ST6GALNAC3: variants seen among roughly 807,000 people sequenced by gnomAD.
ST6GALNAC3 encodes alpha-N-acetylgalactosaminide alpha-2,6-sialyltransferase 3.
Under a neutral mutation model 32.7 loss-of-function variants are expected in ST6GALNAC3, and 25 were observed. The observed-to-expected ratio is 0.76, with a 90% CI of 0.56 to 1.07. The LOEUF is 1.07. ST6GALNAC3 is among the 50% of genes least tolerant of loss of function. ST6GALNAC3 has a pLI of 0.00. For missense variants in ST6GALNAC3, 355 were observed against 382.4 expected (o/e 0.93, Z 0.60); for synonymous variants, 129 against 133.1 (o/e 0.97, Z 0.21).
intron 3 of ST6GALNAC3, among the ~76,000 whole-genome samples, chr1:76,608,570 G>A (rs144903671): frequency 2.2e-3 from 339 of 150,668 alleles, no homozygotes; most frequent in African/African-American, 7.9e-3. Flanking sequence ...CTGTTGTCAG[G>A]GGAAGATCAA....
downstream of ST6GALNAC3, among the ~76,000 whole-genome samples, chr1:76,636,087 A>C (rs188156967): frequency 6.6e-6 from 1 of 152,174 alleles, no homozygotes; most frequent in Non-Finnish European, 1.5e-5. Context: ...TCAGAAAAAA[A>C]TTTTTGTGTA....
At chr1:76,204,348 T>TG (rs935138005) in intron 1 of ST6GALNAC3, among the ~76,000 whole-genome samples, 4 of 152,290 alleles carry the variant, frequency 2.6e-5, no homozygotes, top group African/African-American at 9.6e-5. Flanking sequence ...GCCATAAATA[T>TG]GGGGGTAGAG....
At chr1:76,435,652 C>T (rs1207399769) in intron 3 of ST6GALNAC3, among the ~76,000 whole-genome samples, 1 of 151,984 alleles carries the variant, frequency 6.6e-6, no homozygotes, top group South Asian at 2.1e-4. Flanking sequence ...CTGTAATTCC[C>T]CTAAAATTAA....
chr1:76,314,869 G>T (rs1646835450), intron 2 of ST6GALNAC3, among the ~76,000 whole-genome samples: 1 of 152,040 alleles, frequency 6.6e-6, no homozygotes. Context: ...CCCATCGAAA[G>T]GTCATTTTGT....
At position 76,103,626 on chromosome 1, in the gene ST6GALNAC3, G is replaced by C. The variant is rs143327871; in HGVS notation, c.18+28742G>C. ...GACAACAGAAATGTATTCTCTCACT[G>C]TTCAGGAGGCTGGAGGTCAAGGTAT... On this transcript the variant is annotated intron_variant, in intron 1 of 4. Transcript: ENST00000328299. Among the ~76,000 whole-genome samples the C allele has an allele frequency of 3.4e-3, 515 of 152,246 alleles. 1 individual carries two copies. The highest frequency in any genetic ancestry group is 0.024 in the Middle Eastern group (7 of 294).
chr1:76,407,410 T>C (rs957207531), intron 2 of ST6GALNAC3, among the ~76,000 whole-genome samples: 16 of 152,064 alleles, frequency 1.1e-4, no homozygotes, highest in Admixed American at 9.2e-4. Context: ...AGTATACTTT[T>C]GCAGAGGAAA....
intron 1 of ST6GALNAC3, among the ~76,000 whole-genome samples, chr1:76,288,444 C>T (rs1659901050): frequency 6.6e-6 from 1 of 152,184 alleles, no homozygotes; most frequent in South Asian, 2.1e-4. Context: ...GTGTGCTGGG[C>T]TCTGGACAAA....
chr1:76,609,044 T>C (rs1647750656), intron 3 of ST6GALNAC3, among the ~76,000 whole-genome samples: 1 of 152,200 alleles, frequency 6.6e-6, no homozygotes, highest in Non-Finnish European at 1.5e-5. Flanking sequence ...GAGAAAATTA[T>C]TAGTTTTTGG....
At chr1:76,152,223 G>GT (rs1231960234) in intron 1 of ST6GALNAC3, among the ~76,000 whole-genome samples, 1 of 152,188 alleles carries the variant, frequency 6.6e-6, no homozygotes, top group Non-Finnish European at 1.5e-5. Context: ...TTGTCGTGTT[G>GT]TAAGTGTTTA....
At chr1:76,619,910 G>T (rs1648529137) in intron 3 of ST6GALNAC3, among the ~76,000 whole-genome samples, 2 of 151,990 alleles carry the variant, frequency 1.3e-5, no homozygotes, top group South Asian at 4.1e-4. Context: ...CCACAGCTCA[G>T]CTCTTACCTC....
At chr1:76,594,000 G>T (rs1482422697) in intron 3 of ST6GALNAC3, among the ~76,000 whole-genome samples, 1 of 152,080 alleles carries the variant, frequency 6.6e-6, no homozygotes, top group Non-Finnish European at 1.5e-5. Flanking sequence ...ACCCCAGGGT[G>T]GAAGGGGGCC....
intron 1 of ST6GALNAC3, among the ~76,000 whole-genome samples, chr1:76,078,131 G>A (rs549286863): frequency 2.6e-5 from 4 of 152,200 alleles, no homozygotes; most frequent in South Asian, 2.1e-4. Context: ...GACGGAGCTC[G>A]TGTTTTAGAA....
intron 3 of ST6GALNAC3, among the ~76,000 whole-genome samples, chr1:76,621,653 C>A (rs940479367): frequency 6.6e-6 from 1 of 151,974 alleles, no homozygotes; most frequent in African/African-American, 2.4e-5. Flanking sequence ...GACTGGTTCA[C>A]AATATTAGAT....
At chr1:76,541,053 G>C (rs778705570) in intron 3 of ST6GALNAC3, among the ~76,000 whole-genome samples, 2 of 152,136 alleles carry the variant, frequency 1.3e-5, no homozygotes, top group African/African-American at 4.8e-5. Context: ...CAGGAAGGGA[G>C]TTTCAGAGGA....
chr1:76,434,151 G>A (rs1655967205), intron 3 of ST6GALNAC3, among the ~76,000 whole-genome samples: 1 of 152,140 alleles, frequency 6.6e-6, no homozygotes, highest in African/African-American at 2.4e-5. Context: ...TTTCTTCCAA[G>A]TGGTGTAATC....
At position 76,353,267 on chromosome 1, in the gene ST6GALNAC3, C is replaced by T. The variant is rs148731808; in HGVS notation, c.213+39268C>T. Among the ~76,000 whole-genome samples the T allele has an allele frequency of 2.3e-3, 344 of 152,246 alleles. 1 individual carries two copies. The highest frequency in any genetic ancestry group is 7.6e-3 in the African/African-American group (315 of 41,544). On this transcript the variant is annotated intron_variant, in intron 2 of 4. Transcript: ENST00000328299. ...TTGCTTGCTGTTTCCTCTCCCTGTA[C>T]GTTCTTCGGGCCCACGCGTTTCTGT...
intron 1 of ST6GALNAC3, among the ~76,000 whole-genome samples, chr1:76,112,268 A>T (rs1214692395): frequency 3.0e-5 from 4 of 133,166 alleles, no homozygotes; most frequent in African/African-American, 1.2e-4. Flanking sequence ...TCCTTCCTGG[A>T]CAGGGCGGCT....
intron 3 of ST6GALNAC3, among the ~76,000 whole-genome samples, chr1:76,472,401 A>C (rs1331031685): frequency 6.6e-6 from 1 of 152,116 alleles, no homozygotes; most frequent in Non-Finnish European, 1.5e-5. Context: ...GTCAATTGCC[A>C]CTGACAACTA....
intron 1 of ST6GALNAC3, among the ~76,000 whole-genome samples, chr1:76,306,327 T>C (rs1356663225): frequency 6.6e-6 from 1 of 152,058 alleles, no homozygotes; most frequent in Admixed American, 6.6e-5. Flanking sequence ...GGAACCAACC[T>C]GATGGAATGG....
Sources: allele counts gnomAD v4.1 joint callset (sites outside exome capture counted in the v4.1 genomes callset), GRCh38; gene constraint gnomAD v4.1.1; transcripts MANE v1.5; gene names NCBI Gene and HGNC (gene_info 2026-07-23, HGNC 2026-07-21).